The following RIPOR2 variants were observed in gnomAD, a reference collection of about 807,000 sequenced individuals.
The protein encoded by RIPOR2 is rho family-interacting cell polarization regulator 2.
Under a neutral mutation model 114.5 loss-of-function variants are expected in RIPOR2, and 39 were observed. That is an observed-to-expected ratio of 0.34 (90% CI 0.26 to 0.44). The LOEUF is 0.44. RIPOR2 is among the 20% of genes least tolerant of loss of function. RIPOR2 has a pLI of 1.00. For missense variants in RIPOR2, 1,007 were observed against 1,255.1 expected (o/e 0.80, Z 2.99); for synonymous variants, 445 against 484.4 (o/e 0.92, Z 1.07).
chr6:24,956,860 CG>C (rs1773063530), intron 1 of RIPOR2, among the ~76,000 whole-genome samples: 1 of 152,152 alleles, frequency 6.6e-6, no homozygotes, highest in South Asian at 2.1e-4. Flanking sequence ...TTTTCTCTTT[CG>C]ATTACCAGTT....
intron 1 of RIPOR2, among the ~76,000 whole-genome samples, chr6:24,945,321 G>A (rs1772351360): frequency 6.6e-6 from 1 of 152,260 alleles, no homozygotes; most frequent in African/African-American, 2.4e-5. Context: ...AAAAGCTGAG[G>A]AAGTGTATTA....
chr6:24,867,830 T>C (rs1379855394), intron 6 of RIPOR2, among the ~76,000 whole-genome samples: 1 of 152,200 alleles, frequency 6.6e-6, no homozygotes, highest in Non-Finnish European at 1.5e-5. Flanking sequence ...ATTAATTGAA[T>C]CATTCAATTA....
intron 1 of RIPOR2, among the ~76,000 whole-genome samples, chr6:24,924,174 A>C (rs901107989): frequency 5.3e-5 from 8 of 152,196 alleles, no homozygotes; most frequent in Non-Finnish European, 1.2e-4. Flanking sequence ...TCCTAACGTA[A>C]GGTAATGCAT....
intron 1 of RIPOR2, among the ~76,000 whole-genome samples, chr6:24,884,685 G>A (rs1766655261): frequency 6.6e-6 from 1 of 152,184 alleles, no homozygotes; most frequent in Non-Finnish European, 1.5e-5. Flanking sequence ...TATCTGTAGA[G>A]TAAAGGAAGT....
At chr6:25,024,017 C>T (rs1260855997) in intron 1 of RIPOR2, 8 of 751,694 alleles carry the variant, frequency 1.1e-5, no homozygotes, top group Non-Finnish European at 2.0e-5. Context: ...TCCATCAGGT[C>T]ATTACGGCCC....
rs1762707723 is a variant in RIPOR2, at chr6:24,850,015, G to A, written c.886-65C>T. 4.3e-6 allele frequency: 6 copies of A among 1,395,724 alleles called. No homozygotes were observed. The South Asian group carries it at 5.4e-5, about 13-fold the overall frequency. The allele number at this position is 1,395,724 out of a possible 1,614,324, so 86.5% of individuals were successfully genotyped here. ...GCAGAGGAGAAAGGTAGAATAATGT[G>A]TCATTTTTTTTACTGAGCTAGGTTG... On this transcript the variant is annotated intron_variant, in intron 10 of 21. Coordinates refer to ENST00000643898, the MANE Select transcript of RIPOR2 (RefSeq NM_001286445.3).
At chr6:24,959,658 C>T (rs1486326511) in intron 1 of RIPOR2, among the ~76,000 whole-genome samples, 1 of 152,138 alleles carries the variant, frequency 6.6e-6, no homozygotes, top group African/African-American at 2.4e-5. Context: ...CTCATTCATC[C>T]TCCTCAGCTA....
intron 1 of RIPOR2, among the ~76,000 whole-genome samples, chr6:24,900,873 A>G (rs1768377348): frequency 6.6e-6 from 1 of 152,162 alleles, no homozygotes; most frequent in African/African-American, 2.4e-5. Flanking sequence ...TGTTGTTTTA[A>G]GAGACGGGGT....
rs143340845 is a variant in RIPOR2, at chr6:24,824,241, A to G, written c.2868+985T>C. Among the ~76,000 whole-genome samples the G allele has an allele frequency of 5.8e-3, 886 of 152,356 alleles. 29 individuals carry two copies. Among genetic ancestry groups the G allele is most frequent in the Admixed American group, 0.053 (815 of 15,294 alleles). ...GGAGGTGAGAGTGGTCAGCCCACAG[A>G]ACAGCTTTTTGAGCTAATTCCACTG... On this transcript the variant is annotated intron_variant, in intron 19 of 21. Coordinates refer to ENST00000643898, the MANE Select transcript of RIPOR2 (RefSeq NM_001286445.3).
intron 1 of RIPOR2, among the ~76,000 whole-genome samples, chr6:24,928,720 G>A (rs866899937): frequency 3.3e-5 from 5 of 152,304 alleles, no homozygotes; most frequent in African/African-American, 9.6e-5. Flanking sequence ...AGGCAGCAAC[G>A]TCTTTCTTCT....
At chr6:25,001,002 A>G (rs1775287721) in intron 1 of RIPOR2, among the ~76,000 whole-genome samples, 1 of 152,108 alleles carries the variant, frequency 6.6e-6, no homozygotes, top group South Asian at 2.1e-4. Flanking sequence ...ATTTTTTTTC[A>G]GGTGTAATTA....
chr6:24,949,011 T>C (rs1201670045), intron 1 of RIPOR2, among the ~76,000 whole-genome samples: 1 of 152,156 alleles, frequency 6.6e-6, no homozygotes, highest in South Asian at 2.1e-4. Flanking sequence ...TCAAAAACAA[T>C]CCAGGGCTCA....
chr6:24,988,463 C>T (rs1165639534), intron 1 of RIPOR2, among the ~76,000 whole-genome samples: 3 of 152,162 alleles, frequency 2.0e-5, no homozygotes, highest in Admixed American at 6.5e-5. Flanking sequence ...CATGAGCCAC[C>T]ACGCCCAGCT....
rs1780659555 is a variant in RIPOR2 at position 24,804,447 on chromosome 6, A to T, written c.*1926T>A. On this transcript the variant is annotated 3_prime_UTR_variant, in exon 22 of 22. Coordinates refer to ENST00000643898, the MANE Select transcript of RIPOR2 (RefSeq NM_001286445.3). ...TCATGCAATAGTCAAAATAAAAAAT[A>T]AAAAAATGACAAACCAAACACAAAA... 4.5e-5 allele frequency: 1 copy of T among 22,318 alleles called. No homozygotes were observed. Among genetic ancestry groups the T allele is most frequent in the East Asian group, 4.7e-4 (1 of 2,122 alleles). The allele number at this position is 22,318 out of a possible 1,614,324, so 1.4% of individuals were successfully genotyped here.
chr6:25,041,214 A>G (rs2113784218), intron 1 of RIPOR2, among the ~76,000 whole-genome samples: 1 of 152,354 alleles, frequency 6.6e-6, no homozygotes, highest in Admixed American at 6.5e-5. Context: ...CATCTGAGAT[A>G]AATAAACATC....
At chr6:24,922,780 G>C (rs1770589483) in intron 1 of RIPOR2, among the ~76,000 whole-genome samples, 1 of 143,266 alleles carries the variant, frequency 7.0e-6, no homozygotes, top group South Asian at 2.2e-4. Flanking sequence ...AGAATTGCTT[G>C]AACCAGGGAG....
Position 25,034,614 on chromosome 6 carries a change from A to G in RIPOR2, c.76+7237T>C, listed in dbSNP as rs114686298. ...TTTGGGCTCTTTAGATCCTTCATCA[A>G]ACAAACAACCTGAGAATTACAGACT... On this transcript the variant is annotated intron_variant, in intron 1 of 13. Coordinates refer to the RIPOR2 transcript ENST00000510784. 8.3e-3 allele frequency among the ~76,000 whole-genome samples: 1,266 copies of G among 152,330 alleles called. 16 individuals are homozygous for G. Among genetic ancestry groups the G allele is most frequent in the African/African-American group, 0.028 (1,179 of 41,582 alleles).
At chr6:24,959,888 C>A (rs999987556) in intron 1 of RIPOR2, among the ~76,000 whole-genome samples, 1 of 152,142 alleles carries the variant, frequency 6.6e-6, no homozygotes, top group Non-Finnish European at 1.5e-5. Flanking sequence ...CAATGTTATG[C>A]CACCTTTTGG....
At position 24,858,759 on chromosome 6, in the gene RIPOR2, G is replaced by C. The variant is rs760851194; in HGVS notation, c.715+2214C>G. On this transcript the variant is annotated intron_variant, in intron 8 of 21. Transcript: ENST00000643898. The surrounding 1 kb of genome is among the most constrained non-coding windows in gnomAD (Gnocchi z 4.0). The stretch of plus-strand genomic sequence containing the variant: ...AGGAGAGCAAGAACAACAGAGAGAG[G>C]AGGAGATGGAGGAGCAGGAGCAACA... 6.6e-6 allele frequency among the ~76,000 whole-genome samples: 1 copy of C among 152,156 alleles called. No individual in the cohort carries two copies. Among genetic ancestry groups the C allele is most frequent in the Non-Finnish European group, 1.5e-5 (1 of 68,014 alleles).
Sources: gnomAD v4.1 joint callset for allele counts (sites outside exome capture counted in the v4.1 genomes callset) on GRCh38, gnomAD v4.1.1 for gene constraint, Gnocchi (gnomAD v3.1) non-coding constraint, MANE v1.5 for transcripts, NCBI Gene and HGNC (gene_info 2026-07-23, HGNC 2026-07-21) for gene names.